TMEM117: variants seen among roughly 807,000 people sequenced by gnomAD.
TMEM117 encodes the protein transmembrane protein 117.
TMEM117 carries 27 observed loss-of-function variants against 52.4 expected under a neutral mutation model. That is an observed-to-expected ratio of 0.51 (90% CI 0.38 to 0.71). TMEM117 has a LOEUF of 0.71. Ranked by LOEUF, TMEM117 falls within the 30% of genes least tolerant of loss-of-function variation. TMEM117 has a pLI of 0.00. For missense variants in TMEM117, 556 were observed against 630.5 expected, an observed-to-expected ratio of 0.88 and a Z score of 1.26; for synonymous variants, 215 against 206.3, an observed-to-expected ratio of 1.04 and a Z score of -0.36.
chr12:44,012,091 A>AG (rs1456029686), intron 3 of TMEM117, among the ~76,000 whole-genome samples: 1 of 152,338 alleles, frequency 6.6e-6, no homozygotes, highest in East Asian at 1.9e-4. Flanking sequence ...ACCATGGATA[A>AG]GGGGGACACT....
chr12:43,935,928 A>G (rs1463666412), intron 2 of TMEM117, among the ~76,000 whole-genome samples: 3 of 152,180 alleles, frequency 2.0e-5, no homozygotes, highest in Non-Finnish European at 4.4e-5. Context: ...ATGAGCATAG[A>G]AAATGCAACT....
intron 3 of TMEM117, among the ~76,000 whole-genome samples, chr12:43,990,777 T>A (rs915285280): frequency 6.6e-6 from 1 of 152,180 alleles, no homozygotes; most frequent in Non-Finnish European, 1.5e-5. Flanking sequence ...ATAAGAGACC[T>A]GCCCAAAGTC....
At chr12:43,814,945 A>C in the TMEM117 span, among the ~76,000 whole-genome samples, 1 of 151,862 alleles carries the variant, frequency 6.6e-6, no homozygotes, top group South Asian at 2.1e-4. Flanking sequence ...GGGTTTCACC[A>C]TGTTGGTCAG....
chr12:43,894,852 C>CT (rs11357894), intron 2 of TMEM117, among the ~76,000 whole-genome samples: 6 of 151,968 alleles, frequency 3.9e-5, no homozygotes, highest in African/African-American at 1.4e-4. Context: ...TTTCAATGCC[C>CT]TTTTTTTTTA....
chr12:43,929,186 G>C (rs1314224174), intron 2 of TMEM117, among the ~76,000 whole-genome samples: 1 of 152,078 alleles, frequency 6.6e-6, no homozygotes, highest in Non-Finnish European at 1.5e-5. Context: ...TTCCACAATG[G>C]TTGAACTAGT....
At chr12:43,981,914 A>G (rs1945767380) in intron 3 of TMEM117, among the ~76,000 whole-genome samples, 1 of 152,108 alleles carries the variant, frequency 6.6e-6, no homozygotes, top group Non-Finnish European at 1.5e-5. Flanking sequence ...ACAATTAGAT[A>G]GGAGGAGTAA....
chr12:44,211,948 T>A (rs1949651172), intron 5 of TMEM117, among the ~76,000 whole-genome samples: 1 of 152,192 alleles, frequency 6.6e-6, no homozygotes, highest in Non-Finnish European at 1.5e-5. Flanking sequence ...AAGATAGGAA[T>A]GGAGAGGCAG....
intron 2 of TMEM117, among the ~76,000 whole-genome samples, chr12:43,869,383 A>G (rs1252955784): frequency 6.6e-6 from 1 of 152,256 alleles, no homozygotes; most frequent in Non-Finnish European, 1.5e-5. Flanking sequence ...CACTTTATAA[A>G]TAATAACTTA....
At chr12:43,893,411 A>G (rs1315148786) in intron 2 of TMEM117, among the ~76,000 whole-genome samples, 1 of 152,250 alleles carries the variant, frequency 6.6e-6, no homozygotes, top group Non-Finnish European at 1.5e-5. Flanking sequence ...TCAGTTGGCT[A>G]CAGTATGTAG....
intron 5 of TMEM117, among the ~76,000 whole-genome samples, chr12:44,294,103 G>A (rs1279152678): frequency 6.6e-6 from 1 of 152,048 alleles, no homozygotes; most frequent in African/African-American, 2.4e-5. Flanking sequence ...TTCGTTTCCT[G>A]AACACTTTGA....
the TMEM117 span, among the ~76,000 whole-genome samples, chr12:43,811,970 G>A: frequency 6.6e-6 from 1 of 151,956 alleles, no homozygotes; most frequent in Non-Finnish European, 1.5e-5. Context: ...CACTACTACA[G>A]TAAATGAAAA....
At chr12:44,190,266 GAAT>G (rs753631087) in intron 4 of TMEM117, among the ~76,000 whole-genome samples, 6 of 152,156 alleles carry the variant, frequency 3.9e-5, no homozygotes, top group Non-Finnish European at 7.3e-5. Context: ...CTTGTTTGTT[GAAT>G]TTCTTATGCT....
chr12:44,304,178 A>G (rs537641094), intron 6 of TMEM117, among the ~76,000 whole-genome samples: 1 of 152,284 alleles, frequency 6.6e-6, no homozygotes, highest in African/African-American at 2.4e-5. Context: ...CACAGAATCT[A>G]TGTGCTTAGG....
At chr12:44,258,022 C>T (rs111949300) in intron 5 of TMEM117, among the ~76,000 whole-genome samples, 2,989 of 151,974 alleles carry the variant, frequency 0.02, 87 homozygotes, top group African/African-American at 0.068. Context: ...ATATTTATTA[C>T]CTTTATGAGA....
intron 6 of TMEM117, among the ~76,000 whole-genome samples, chr12:44,319,304 A>G (rs978825220): frequency 1.3e-5 from 2 of 152,144 alleles, no homozygotes; most frequent in African/African-American, 4.8e-5. Flanking sequence ...TTTCCTCTCA[A>G]TGTCCCCAAG....
intron 3 of TMEM117, among the ~76,000 whole-genome samples, chr12:43,954,327 A>G (rs1395767411): frequency 1.3e-5 from 2 of 152,198 alleles, no homozygotes; most frequent in Admixed American, 6.5e-5. Flanking sequence ...GGAGATAGAG[A>G]TATGAAAAAC....
chr12:43,880,159 A>G (rs895698147), intron 2 of TMEM117, among the ~76,000 whole-genome samples: 7 of 152,194 alleles, frequency 4.6e-5, no homozygotes, highest in African/African-American at 1.7e-4. Flanking sequence ...CCTGTCCTCA[A>G]TTCTACGAAT....
intron 5 of TMEM117, among the ~76,000 whole-genome samples, chr12:44,214,419 T>G (rs1265831642): frequency 1.3e-5 from 2 of 152,020 alleles, no homozygotes; most frequent in Non-Finnish European, 2.9e-5. Flanking sequence ...CCACCCACCT[T>G]GGGCTCCCAA....
intron 7 of TMEM117, among the ~76,000 whole-genome samples, chr12:44,381,985 AT>A: frequency 6.6e-6 from 1 of 152,314 alleles, no homozygotes; most frequent in African/African-American, 2.4e-5. Context: ...TCATGAATTT[AT>A]CCAAAGTACA....
Sources: allele counts gnomAD v4.1 joint callset (sites outside exome capture counted in the v4.1 genomes callset), GRCh38; gene constraint gnomAD v4.1.1; transcripts MANE v1.5; gene names NCBI Gene and HGNC (gene_info 2026-07-23, HGNC 2026-07-21).